MACROD2: variants seen among roughly 807,000 people sequenced by gnomAD.
The protein encoded by MACROD2 is ADP-ribose glycohydrolase MACROD2.
Under a neutral mutation model 70.4 loss-of-function variants are expected in MACROD2, and 36 were observed. The ratio of observed to expected loss-of-function variants is 0.51; its 90% confidence interval spans 0.39 to 0.68. MACROD2 has a LOEUF of 0.68. Among genes scored for constraint, MACROD2 ranks in the 30% least tolerant of loss-of-function variants. The pLI, the probability that MACROD2 is intolerant of heterozygous loss-of-function variation, is 0.00. For synonymous variants in MACROD2, 172 were observed against 178.8 expected (o/e 0.96, Z 0.30); for missense variants, 496 against 538.4 (o/e 0.92, Z 0.78).
At chr20:15,226,287 G>A (rs922249595) in intron 5 of MACROD2, among the ~76,000 whole-genome samples, 2 of 152,298 alleles carry the variant, frequency 1.3e-5, no homozygotes, top group South Asian at 2.1e-4. Context: ...TGAGTAAAGA[G>A]ATGGTAACTT....
intron 5 of MACROD2, among the ~76,000 whole-genome samples, chr20:14,982,644 C>T (rs2074811549): frequency 6.6e-6 from 1 of 152,216 alleles, no homozygotes; most frequent in African/African-American, 2.4e-5. Flanking sequence ...TTGGCAGCTT[C>T]CACATGGTGT....
chr20:15,967,490 C>A, intron 12 of MACROD2, 63 bp from the exon 13 acceptor site: 2 of 1,307,330 alleles, frequency 1.5e-6, no homozygotes, highest in Non-Finnish European at 1.1e-6. Context: ...CATGTTAGTG[C>A]TGAAAGCTGC....
At chr20:14,704,466 T>C (rs551759747) in intron 5 of MACROD2, among the ~76,000 whole-genome samples, 72 of 152,256 alleles carry the variant, frequency 4.7e-4, no homozygotes, top group South Asian at 4.4e-3. Context: ...ATAACAGCAT[T>C]GTTTATTGTT....
chr20:15,040,087 A>G (rs1020120052), intron 5 of MACROD2, among the ~76,000 whole-genome samples: 1 of 152,116 alleles, frequency 6.6e-6, no homozygotes, highest in African/African-American at 2.4e-5. Flanking sequence ...TGGGAACCAT[A>G]TAGAGGTGAT....
intron 5 of MACROD2, among the ~76,000 whole-genome samples, chr20:15,014,881 A>C (rs2075109700): frequency 6.6e-6 from 1 of 152,096 alleles, no homozygotes; most frequent in Non-Finnish European, 1.5e-5. Context: ...GTTGTCCATA[A>C]GCTTTTTTTG....
At chr20:14,602,004 G>A (rs750068433) in intron 4 of MACROD2, among the ~76,000 whole-genome samples, 18 of 152,140 alleles carry the variant, frequency 1.2e-4, no homozygotes, top group Admixed American at 4.6e-4. Flanking sequence ...GACGCTCAAA[G>A]CTTCTTGAGA....
intron 3 of MACROD2, among the ~76,000 whole-genome samples, chr20:14,423,355 T>C (rs2122900864): frequency 6.6e-6 from 1 of 152,060 alleles, no homozygotes; most frequent in South Asian, 2.1e-4. Flanking sequence ...CACTTGCTGC[T>C]TGTGTTTTTT....
intron 5 of MACROD2, among the ~76,000 whole-genome samples, chr20:15,202,416 G>A (rs549610800): frequency 3.2e-4 from 49 of 152,214 alleles, no homozygotes; most frequent in African/African-American, 1.1e-3. Context: ...GGACAACTTC[G>A]TGTATTTCTT....
At chr20:15,486,430 G>A (rs2876409) in intron 7 of MACROD2, among the ~76,000 whole-genome samples, 47,238 of 152,102 alleles carry the variant, frequency 0.31, 8,174 homozygotes, top group East Asian at 0.42. Flanking sequence ...AAGAAGACCT[G>A]TAGGGGAGCA....
chr20:15,713,065 G>C (rs1316610297), intron 8 of MACROD2, among the ~76,000 whole-genome samples: 1 of 152,132 alleles, frequency 6.6e-6, no homozygotes, highest in Non-Finnish European at 1.5e-5. Flanking sequence ...TTCTTGGATA[G>C]ATTATTAATA....
intron 3 of MACROD2, among the ~76,000 whole-genome samples, chr20:14,200,436 C>T (rs1022770108): frequency 1.1e-4 from 16 of 152,068 alleles, no homozygotes; most frequent in South Asian, 2.1e-4. Flanking sequence ...ATGAGTACTA[C>T]GCTTAATACC....
At chr20:14,189,558 T>A (rs2081368982) in intron 3 of MACROD2, among the ~76,000 whole-genome samples, 1 of 152,214 alleles carries the variant, frequency 6.6e-6, no homozygotes, top group Non-Finnish European at 1.5e-5. Context: ...AAATTTTATG[T>A]ACATGTACAA....
At chr20:14,688,026 A>G (rs1477096098) in intron 5 of MACROD2, among the ~76,000 whole-genome samples, 1 of 151,964 alleles carries the variant, frequency 6.6e-6, no homozygotes, top group Non-Finnish European at 1.5e-5. Flanking sequence ...TTTCTCATCA[A>G]TTTGGTTCAT....
chr20:14,169,342 T>C (rs1009999378), intron 3 of MACROD2, among the ~76,000 whole-genome samples: 15 of 152,084 alleles, frequency 9.9e-5, no homozygotes, highest in African/African-American at 3.6e-4. Flanking sequence ...TTCACTCTTG[T>C]TGCCCAGGGT....
At chr20:14,220,692 G>A (rs886255588) in intron 3 of MACROD2, among the ~76,000 whole-genome samples, 3 of 152,158 alleles carry the variant, frequency 2.0e-5, no homozygotes, top group African/African-American at 7.2e-5. Context: ...AGCTCCCAGG[G>A]CCTTTCTGCT....
chr20:15,193,184 GTTTTC>G (rs1268136830), intron 5 of MACROD2, among the ~76,000 whole-genome samples: 1 of 151,800 alleles, frequency 6.6e-6, no homozygotes, highest in Non-Finnish European at 1.5e-5. Flanking sequence ...TCTTTATCTT[GTTTTC>G]TTATAAGTTT....
At chr20:14,031,975 C>G (rs1389461134) in intron 2 of MACROD2, among the ~76,000 whole-genome samples, 2 of 152,070 alleles carry the variant, frequency 1.3e-5, no homozygotes. Flanking sequence ...CCTAGACAGT[C>G]TGGCATTAAG....
At chr20:14,495,558 G>A (rs967181971) in intron 4 of MACROD2, among the ~76,000 whole-genome samples, 2 of 152,148 alleles carry the variant, frequency 1.3e-5, no homozygotes, top group African/African-American at 4.8e-5. Context: ...GGGGAGAATG[G>A]AGGTTGAGGA....
intron 3 of MACROD2, among the ~76,000 whole-genome samples, chr20:14,177,571 C>T (rs1163966982): frequency 6.6e-6 from 1 of 152,080 alleles, no homozygotes; most frequent in Non-Finnish European, 1.5e-5. Flanking sequence ...CCGCCTCGGC[C>T]TCCCAAAGTG....
Sources: allele counts gnomAD v4.1 joint callset (sites outside exome capture counted in the v4.1 genomes callset), GRCh38; gene constraint gnomAD v4.1.1; transcripts MANE v1.5; gene names NCBI Gene and HGNC (gene_info 2026-07-23, HGNC 2026-07-21).